The following ARHGAP15 variants were observed in gnomAD, a reference collection of about 807,000 sequenced individuals.
ARHGAP15 encodes the protein rho GTPase-activating protein 15.
In ARHGAP15, 51 loss-of-function variants were observed where a neutral mutation model predicts 63.7. That is an observed-to-expected ratio of 0.80 (90% CI 0.64 to 1.01). The LOEUF is 1.01. Among genes scored for constraint, ARHGAP15 ranks in the 50% least tolerant of loss-of-function variants. The pLI is 0.00. For missense variants in ARHGAP15, 560 were observed against 564.6 expected (o/e 0.99, Z 0.08); for synonymous variants, 191 against 193.8 (o/e 0.99, Z 0.12).
chr2:143,723,676 G>A (rs377298170), intron 13 of ARHGAP15, among the ~76,000 whole-genome samples: 5 of 152,170 alleles, frequency 3.3e-5, no homozygotes, highest in South Asian at 2.1e-4. Flanking sequence ...ATCACACATC[G>A]GTCAACTTAA....
At chr2:143,318,228 G>C (rs1434908032) in intron 6 of ARHGAP15, among the ~76,000 whole-genome samples, 1 of 151,538 alleles carries the variant, frequency 6.6e-6, no homozygotes. Context: ...GGATGGTCTC[G>C]ATCTCCTGAC....
intron 13 of ARHGAP15, among the ~76,000 whole-genome samples, chr2:143,712,148 TG>T (rs1318652712): frequency 6.6e-6 from 1 of 151,892 alleles, no homozygotes; most frequent in Non-Finnish European, 1.5e-5. Context: ...ATAGGGAGAA[TG>T]GGGGAAAGTG....
chr2:143,336,617 G>A (rs1237208915), intron 6 of ARHGAP15, among the ~76,000 whole-genome samples: 2 of 152,074 alleles, frequency 1.3e-5, no homozygotes, highest in Non-Finnish European at 2.9e-5. Flanking sequence ...TGTTTAATTG[G>A]TGATGATGTG....
chr2:143,510,652 C>A (rs114008917), intron 9 of ARHGAP15, among the ~76,000 whole-genome samples: 1 of 152,176 alleles, frequency 6.6e-6, no homozygotes, highest in Admixed American at 6.5e-5. Flanking sequence ...TTAATACAGC[C>A]ACAGTGTTGT....
chr2:143,491,661 C>A (rs564357469), intron 9 of ARHGAP15, among the ~76,000 whole-genome samples: 45 of 152,260 alleles, frequency 3.0e-4, no homozygotes, highest in African/African-American at 9.9e-4. Flanking sequence ...CTAAAAGGTA[C>A]CACTTTGAAC....
intron 6 of ARHGAP15, among the ~76,000 whole-genome samples, chr2:143,370,345 T>C (rs981415730): frequency 2.0e-5 from 3 of 151,880 alleles, no homozygotes; most frequent in East Asian, 1.9e-4. Flanking sequence ...CTGGGGACTG[T>C]TGTGGGGTGG....
intron 12 of ARHGAP15, among the ~76,000 whole-genome samples, chr2:143,654,187 G>C (rs1302326997): frequency 6.6e-6 from 1 of 152,096 alleles, no homozygotes; most frequent in Admixed American, 6.5e-5. Context: ...ATACAGAACA[G>C]ATTCTCAGAA....
At chr2:143,496,137 T>G (rs1692804464) in intron 9 of ARHGAP15, among the ~76,000 whole-genome samples, 1 of 152,186 alleles carries the variant, frequency 6.6e-6, no homozygotes, top group Non-Finnish European at 1.5e-5. Context: ...TTTGCATTTA[T>G]AGTTCTCAGG....
chr2:143,413,966 T>TGTGTGTGTGC lies in ARHGAP15; in HGVS notation c.475-21634_475-21633insTGTGTGTGCG. Among the ~76,000 whole-genome samples, 13 of 117,916 alleles carry TGTGTGTGTGC rather than the reference T, an allele frequency of 1.1e-4. No homozygotes were observed. In the South Asian group the frequency reaches 1.6e-3, roughly 15 times the overall value. The allele number at this position is 117,916 out of a possible 152,430, so 77.4% of individuals were successfully genotyped here. The stretch of plus-strand genomic sequence containing the variant: ...GTGTGTGTGTGTGTGTGTGTGTGTG[T>TGTGTGTGTGC]GCGCGCTCTCTGGCAGAAAGTTAAT... On this transcript the variant is annotated intron_variant, in intron 6 of 13. Transcript: ENST00000295095.
intron 12 of ARHGAP15, among the ~76,000 whole-genome samples, chr2:143,648,226 T>C (rs560168992): frequency 6.6e-6 from 1 of 152,100 alleles, no homozygotes; most frequent in East Asian, 1.9e-4. Flanking sequence ...CCTTCTTGTA[T>C]GCATTAATTT....
intron 12 of ARHGAP15, among the ~76,000 whole-genome samples, chr2:143,679,120 T>C (rs892660598): frequency 3.8e-5 from 5 of 132,606 alleles, no homozygotes; most frequent in African/African-American, 1.3e-4. Context: ...TCAACCTATA[T>C]GCACCAGTAT....
chr2:143,722,964 A>G (rs72994467), intron 13 of ARHGAP15, among the ~76,000 whole-genome samples: 190 of 152,360 alleles, frequency 1.2e-3, no homozygotes, highest in African/African-American at 4.2e-3. Flanking sequence ...ATTTAAGTAC[A>G]GTCACACACC....
chr2:143,287,366 C>A (rs1031073626), intron 6 of ARHGAP15, among the ~76,000 whole-genome samples: 1 of 152,028 alleles, frequency 6.6e-6, no homozygotes, highest in Non-Finnish European at 1.5e-5. Context: ...GTCTTCTGCT[C>A]GGTTTCACTG....
At chr2:143,751,398 C>T (rs1332714099) in intron 13 of ARHGAP15, among the ~76,000 whole-genome samples, 1 of 152,200 alleles carries the variant, frequency 6.6e-6, no homozygotes, top group East Asian at 1.9e-4. Flanking sequence ...GGCAACAAGT[C>T]TTTCCTCAAA....
chr2:143,509,587 C>A (rs1331950175), intron 9 of ARHGAP15, among the ~76,000 whole-genome samples: 2 of 152,122 alleles, frequency 1.3e-5, no homozygotes, highest in African/African-American at 4.8e-5. Flanking sequence ...CATTCCATAA[C>A]CTATAGCACT....
intron 13 of ARHGAP15, among the ~76,000 whole-genome samples, chr2:143,742,695 G>A (rs952200): frequency 6.6e-6 from 1 of 152,184 alleles, no homozygotes; most frequent in African/African-American, 2.4e-5. Context: ...GGTGTTTTGC[G>A]TGCTAGCCTC....
At chr2:143,221,986 G>A (rs970156051) in intron 4 of ARHGAP15, among the ~76,000 whole-genome samples, 3 of 152,150 alleles carry the variant, frequency 2.0e-5, no homozygotes, top group African/African-American at 7.2e-5. Flanking sequence ...TAAGGTGTGC[G>A]CCTAACGTCA....
intron 10 of ARHGAP15, chr2:143,522,029 AC>A (rs2104990577): frequency 6.6e-6 from 1 of 152,262 alleles, no homozygotes; most frequent in South Asian, 2.1e-4. Flanking sequence ...AGGAAATTCT[AC>A]CCAGTACTTG....
intron 6 of ARHGAP15, among the ~76,000 whole-genome samples, chr2:143,278,166 C>T (rs537056013): frequency 6.6e-6 from 1 of 152,270 alleles, no homozygotes; most frequent in South Asian, 2.1e-4. Context: ...GTTCCTTCTT[C>T]CTGTCCTGTC....
Sources: allele counts gnomAD v4.1 joint callset (sites outside exome capture counted in the v4.1 genomes callset), GRCh38; gene constraint gnomAD v4.1.1; transcripts MANE v1.5; gene names NCBI Gene and HGNC (gene_info 2026-07-23, HGNC 2026-07-21).